The following DMXL1 variants were observed in gnomAD, a reference collection of about 807,000 sequenced individuals.
The protein encoded by DMXL1 is dmX-like protein 1.
In DMXL1, 99 loss-of-function variants were observed where a neutral mutation model predicts 319.2. The observed-to-expected ratio is 0.31, with a 90% confidence interval of 0.26 to 0.37. DMXL1 has a LOEUF of 0.37. Ranked by LOEUF, DMXL1 falls within the 10% of genes least tolerant of loss-of-function variation. DMXL1 has a pLI of 1.00. For synonymous variants in DMXL1, 1,385 were observed against 1,235.2 expected (o/e 1.12, Z -2.54); for missense variants, 3,745 against 3,595.6 (o/e 1.04, Z -1.06).
chr5:119,111,274 A>C (rs954453778), intron 5 of DMXL1, among the ~76,000 whole-genome samples: 1 of 152,232 alleles, frequency 6.6e-6, no homozygotes, highest in Non-Finnish European at 1.5e-5. Context: ...CCAGTATGGT[A>C]GCCACTAATT....
intron 9 of DMXL1, 143 bp downstream of exon 9, chr5:119,121,282 T>TA (rs1761989386): frequency 1.7e-5 from 10 of 589,746 alleles, no homozygotes; most frequent in South Asian, 5.3e-5. Flanking sequence ...TCTTTTTTTT[T>TA]AATTTATTAT....
intron 9 of DMXL1, among the ~76,000 whole-genome samples, chr5:119,125,417 A>G (rs1392031432): frequency 6.6e-6 from 1 of 152,206 alleles, no homozygotes; most frequent in Non-Finnish European, 1.5e-5. Context: ...TACTACCATA[A>G]GAAAGGTGCT....
intron 4 of DMXL1, among the ~76,000 whole-genome samples, chr5:119,106,536 C>A (rs934527479): frequency 6.6e-6 from 1 of 152,058 alleles, no homozygotes; most frequent in Admixed American, 6.6e-5. Flanking sequence ...GGAGATAAGA[C>A]CTTACCATGT....
chr5:119,179,340 G>C (rs1340478705), intron 28 of DMXL1, among the ~76,000 whole-genome samples: 2 of 145,422 alleles, frequency 1.4e-5, no homozygotes, highest in African/African-American at 5.0e-5. Flanking sequence ...GCATACATTT[G>C]AGAGAAGCTC....
chr5:119,094,185 A>G (rs1755417820), intron 1 of DMXL1, among the ~76,000 whole-genome samples: 1 of 152,248 alleles, frequency 6.6e-6, no homozygotes, highest in East Asian at 1.9e-4. Flanking sequence ...TTTCATAACT[A>G]GAGAGGAGAG....
chr5:119,204,954 A>G (rs1013654394), intron 33 of DMXL1, among the ~76,000 whole-genome samples: 1 of 152,164 alleles, frequency 6.6e-6, no homozygotes, highest in African/African-American at 2.4e-5. Context: ...TTGTCTCTCA[A>G]TTTAAGCACC....
At chr5:119,084,397 G>C (rs1361424313) in intron 1 of DMXL1, among the ~76,000 whole-genome samples, 2 of 152,150 alleles carry the variant, frequency 1.3e-5, no homozygotes, top group African/African-American at 4.8e-5. Flanking sequence ...TGGGATTTCA[G>C]GCGTGAGCCA....
At chr5:119,164,959 A>T (rs1773105516) in intron 20 of DMXL1, among the ~76,000 whole-genome samples, 1 of 151,024 alleles carries the variant, frequency 6.6e-6, no homozygotes, top group Admixed American at 6.6e-5. Flanking sequence ...GTACAGAAGA[A>T]CTTGTAATGA....
chr5:119,109,451 C>A (rs1463701598), intron 4 of DMXL1, among the ~76,000 whole-genome samples: 1 of 152,106 alleles, frequency 6.6e-6, no homozygotes, highest in Non-Finnish European at 1.5e-5. Flanking sequence ...ACTTGAAAAT[C>A]TTTTACTCCC....
chr5:119,140,843 A>G (rs914560876), intron 13 of DMXL1, among the ~76,000 whole-genome samples: 6 of 152,214 alleles, frequency 3.9e-5, no homozygotes, highest in African/African-American at 1.2e-4. Context: ...ATGAATATCA[A>G]TGCAAAAATC....
At chr5:119,133,094 T>C in intron 10 of DMXL1, 38 bp from the exon 11 acceptor site, 3 of 1,605,400 alleles carry the variant, frequency 1.9e-6, no homozygotes, top group Non-Finnish European at 2.6e-6. Context: ...TAATAACCTG[T>C]TTGTATTTAC....
intron 1 of DMXL1, among the ~76,000 whole-genome samples, chr5:119,096,990 C>T (rs1485272612): frequency 2.0e-5 from 3 of 151,930 alleles, no homozygotes; most frequent in Non-Finnish European, 2.9e-5. Context: ...TGATATATGC[C>T]GTGAAGAAAA....
At chr5:119,198,079 C>T (rs1779979412) in intron 32 of DMXL1, 123 bp downstream of exon 32, 2 of 891,250 alleles carry the variant, frequency 2.2e-6, no homozygotes, top group Admixed American at 4.2e-5. Flanking sequence ...GCCTCTGCCT[C>T]CTGGGTTCAA....
In DMXL1 at chr5:119,129,794, A is replaced by G. The variant is rs183393352; in HGVS notation, c.1315+371A>G. 1.2e-3 allele frequency among the ~76,000 whole-genome samples: 182 copies of G among 152,364 alleles called. 1 individual carries two copies. In the Middle Eastern group the frequency reaches 0.037, roughly 31 times the overall value. ...TTAATGAAATTTCCAGGTGATTTGT[A>G]TGTACATTAAAGTTTGAGAAGCATT... On this transcript the variant is annotated intron_variant, in intron 10 of 43. Transcript: ENST00000539542.
In DMXL1 at chr5:119,248,130, G is replaced by A. The variant is rs1440446546; in HGVS notation, c.*911G>A. 1 of 152,192 alleles carries A rather than the reference G, an allele frequency of 6.6e-6. No individual in the cohort carries two copies. Among genetic ancestry groups the A allele is most frequent in the South Asian group, 2.1e-4 (1 of 4,818 alleles). The allele number at this position is 152,192 out of a possible 1,614,324, so 9.4% of individuals were successfully genotyped here. A position where few individuals can be genotyped will look rare whatever the true frequency, so the allele number is the denominator to read the frequency against. On this transcript the variant is annotated 3_prime_UTR_variant, in exon 44 of 44. Transcript: ENST00000539542. Reference sequence around the variant, plus strand: ...AGTTTGTGAATTTGTCAACTTTCGAGCATCAAACAAATATTTTACTTAAAT... The same window carrying A: ...AGTTTGTGAATTTGTCAACTTTCGAACATCAAACAAATATTTTACTTAAAT...
At chr5:119,099,003 G>A (rs1317223743) in intron 2 of DMXL1, among the ~76,000 whole-genome samples, 3 of 152,136 alleles carry the variant, frequency 2.0e-5, no homozygotes, top group Non-Finnish European at 4.4e-5. Flanking sequence ...TATAAAACGA[G>A]TTTCTGTTTT....
At chr5:119,138,166 A>G (rs1232497649) in intron 13 of DMXL1, among the ~76,000 whole-genome samples, 2 of 152,244 alleles carry the variant, frequency 1.3e-5, no homozygotes, top group African/African-American at 2.4e-5. Flanking sequence ...GCAAGTGGTA[A>G]TGGCAGAGAT....
rs781003630 is a variant in DMXL1, at chr5:119,129,370, C to T, written c.1262C>T (p.Ser421Phe). The T allele has an allele frequency of 3.7e-6, 6 of 1,613,594 alleles. No individual in the cohort carries two copies. In the African/African-American group the frequency reaches 5.3e-5, roughly 14 times the overall value. ...CTTAGAAAAAGTTTTGAACAACCAT[C>T]TTCTGAGGCCAGTGTAGAAGATTCT... ...QQLRKSFEQP[S>F]SEASVEDSNQ... The change falls in exon 10 of 44, where the codon TCT becomes TTT. Residue 421 changes from serine (S) to phenylalanine (F), a missense_variant. Around this residue, in one of 4 missense-constraint regions of DMXL1, gnomAD observed 2,096 missense variants for 1,985.4 expected, o/e 1.06. Transcript: ENST00000539542.
Position 119,177,352 on chromosome 5 carries a change from C to A in DMXL1, c.6759-5C>A. On this transcript the variant is annotated splice_polypyrimidine_tract_variant and splice_region_variant and intron_variant, in intron 26 of 43. Coordinates refer to ENST00000539542, the MANE Select transcript of DMXL1 (RefSeq NM_001290321.3). ...ATAGATTTAAATATTGTTTTTTTCT[C>A]TTAGTTCATTTCAGACGAATCAGTT... is the stretch of plus-strand genomic sequence containing the variant. 1 of 1,507,026 alleles carries A rather than the reference C, an allele frequency of 6.6e-7. No individual in the cohort carries two copies. The highest frequency in any genetic ancestry group is 2.3e-5 in the East Asian group (1 of 42,656). 93.4% of individuals were successfully genotyped at this position (1,507,026 alleles called of 1,614,324 possible). A position where few individuals can be genotyped will look rare whatever the true frequency, so the allele number is the denominator to read the frequency against.
Sources: allele counts gnomAD v4.1 joint callset (sites outside exome capture counted in the v4.1 genomes callset), GRCh38; gene constraint gnomAD v4.1.1; regional missense constraint gnomAD v4.1.1; transcripts MANE v1.5; gene names NCBI Gene and HGNC (gene_info 2026-07-23, HGNC 2026-07-21).